Variants in AGBL1 observed in about 807,000 individuals in gnomAD.
AGBL1 encodes cytosolic carboxypeptidase 4.
A neutral mutation model predicts 118.9 loss-of-function variants in AGBL1; 130 were observed. That is an observed-to-expected ratio of 1.09 (90% confidence interval 0.95 to 1.26). The LOEUF is 1.26. AGBL1 is among the 50% of genes most tolerant of loss of function. The probability of loss-of-function intolerance (pLI) is 0.00; values close to 1 mark genes in which losing one functional copy is unlikely to be tolerated. For missense variants in AGBL1, 1,584 were observed against 1,298.1 expected, an observed-to-expected ratio of 1.22 and a Z score of -3.38; for synonymous variants, 555 against 478.9, an observed-to-expected ratio of 1.16 and a Z score of -2.08.
At chr15:86,877,781 T>G (rs887148007) in intron 22 of AGBL1, among the ~76,000 whole-genome samples, 2 of 152,184 alleles carry the variant, frequency 1.3e-5, no homozygotes, top group African/African-American at 4.8e-5. Flanking sequence ...GACACTCCTT[T>G]GGATTATTTA....
chr15:86,399,063 T>C (rs973585654), intron 18 of AGBL1, among the ~76,000 whole-genome samples: 1 of 152,142 alleles, frequency 6.6e-6, no homozygotes. Context: ...TTCTTCTCTT[T>C]CTCTGTGGTG....
intron 20 of AGBL1, among the ~76,000 whole-genome samples, chr15:86,547,134 T>C (rs535040163): frequency 6.6e-6 from 1 of 152,260 alleles, no homozygotes; most frequent in African/African-American, 2.4e-5. Flanking sequence ...CAGCTTATCC[T>C]CAATAACCTG....
chr15:86,543,330 G>A (rs192909030), intron 19 of AGBL1, among the ~76,000 whole-genome samples: 2 of 152,196 alleles, frequency 1.3e-5, no homozygotes, highest in East Asian at 3.9e-4. Flanking sequence ...ATACGATTGT[G>A]ATACATTTAC....
At chr15:86,814,628 A>C (rs1470921897) in intron 22 of AGBL1, among the ~76,000 whole-genome samples, 1 of 152,052 alleles carries the variant, frequency 6.6e-6, no homozygotes, top group Non-Finnish European at 1.5e-5. Flanking sequence ...AAGAGTTGGG[A>C]CTCTGAAGTC....
chr15:86,858,148 A>G (rs1414143852), intron 22 of AGBL1, among the ~76,000 whole-genome samples: 1 of 152,202 alleles, frequency 6.6e-6, no homozygotes, highest in Non-Finnish European at 1.5e-5. Context: ...GCACAGATTC[A>G]ACATACACCT....
At chr15:86,375,421 A>G (rs1327020845) in intron 17 of AGBL1, among the ~76,000 whole-genome samples, 1 of 151,272 alleles carries the variant, frequency 6.6e-6, no homozygotes, top group East Asian at 2.1e-4. Context: ...TGCCCCCATG[A>G]TCCAGTCACC....
chr15:86,253,111 G>A (rs1401763862), intron 7 of AGBL1, among the ~76,000 whole-genome samples: 2 of 152,178 alleles, frequency 1.3e-5, no homozygotes, highest in Non-Finnish European at 2.9e-5. Context: ...AGGTGGGTGA[G>A]CTTGAGAAAC....
intron 22 of AGBL1, among the ~76,000 whole-genome samples, chr15:86,784,160 A>G (rs2078373825): frequency 6.6e-6 from 1 of 152,204 alleles, no homozygotes; most frequent in Non-Finnish European, 1.5e-5. Context: ...AAATGAGATA[A>G]CTTATATAGT....
chr15:86,375,797 A>C (rs2081034871), intron 17 of AGBL1, among the ~76,000 whole-genome samples: 1 of 152,196 alleles, frequency 6.6e-6, no homozygotes, highest in Non-Finnish European at 1.5e-5. Context: ...GAGTTTTGGC[A>C]AAGGGTAGAA....
At chr15:86,593,671 A>G (rs1012034653) in intron 21 of AGBL1, among the ~76,000 whole-genome samples, 1 of 152,178 alleles carries the variant, frequency 6.6e-6, no homozygotes, top group African/African-American at 2.4e-5. Context: ...AAGTTTTGTC[A>G]AAGTATATAC....
intron 22 of AGBL1, among the ~76,000 whole-genome samples, chr15:86,716,587 A>G (rs1035095890): frequency 6.6e-6 from 1 of 152,184 alleles, no homozygotes; most frequent in African/African-American, 2.4e-5. Flanking sequence ...TAGAAAAAGC[A>G]GTAAGAAAAA....
intron 17 of AGBL1, among the ~76,000 whole-genome samples, chr15:86,347,924 T>C (rs1184092648): frequency 6.6e-6 from 1 of 152,246 alleles, no homozygotes; most frequent in African/African-American, 2.4e-5. Flanking sequence ...GACTTCATAA[T>C]TCCTTTTACA....
intron 24 of AGBL1, among the ~76,000 whole-genome samples, chr15:87,019,642 T>C (rs1360117296): frequency 6.6e-6 from 1 of 152,094 alleles, no homozygotes; most frequent in African/African-American, 2.4e-5. Flanking sequence ...GGGAAATTTA[T>C]AGCACTAAAT....
At chr15:86,380,721 T>A (rs892094611) in intron 17 of AGBL1, among the ~76,000 whole-genome samples, 1 of 152,238 alleles carries the variant, frequency 6.6e-6, no homozygotes, top group Non-Finnish European at 1.5e-5. Context: ...TTTATGCACA[T>A]GCTTGGCTTA....
chr15:86,933,971 G>A (rs547045979), intron 23 of AGBL1, among the ~76,000 whole-genome samples: 2 of 152,312 alleles, frequency 1.3e-5, no homozygotes, highest in South Asian at 4.1e-4. Flanking sequence ...TCTAAAAATT[G>A]AACAAGTTGG....
At chr15:86,692,197 CA>C (rs1188583323) in intron 22 of AGBL1, among the ~76,000 whole-genome samples, 2 of 151,584 alleles carry the variant, frequency 1.3e-5, no homozygotes, top group African/African-American at 4.8e-5. Context: ...AAACAAAAAA[CA>C]AAAAAACCAA....
At chr15:86,468,633 A>G (rs2082438077) in intron 18 of AGBL1, among the ~76,000 whole-genome samples, 1 of 152,162 alleles carries the variant, frequency 6.6e-6, no homozygotes, top group African/African-American at 2.4e-5. Context: ...TCAGATTTAA[A>G]TTGGACTAAA....
At chr15:86,827,910 A>G (rs2079051582) in intron 22 of AGBL1, among the ~76,000 whole-genome samples, 1 of 120,604 alleles carries the variant, frequency 8.3e-6, no homozygotes, top group Non-Finnish European at 1.7e-5. Flanking sequence ...ACATACAATT[A>G]ACATAGTCTC....
intron 1 of AGBL1, among the ~76,000 whole-genome samples, chr15:86,081,080 G>A (rs1322003873): frequency 3.3e-5 from 5 of 152,162 alleles, no homozygotes; most frequent in African/African-American, 1.2e-4. Context: ...GTCTCACTCT[G>A]TCGCCCAGGC....
Sources: allele counts gnomAD v4.1 joint callset (sites outside exome capture counted in the v4.1 genomes callset), GRCh38; gene constraint gnomAD v4.1.1; transcripts MANE v1.5; gene names NCBI Gene and HGNC (gene_info 2026-07-23, HGNC 2026-07-21).